Variants in TBC1D22A observed in about 807,000 individuals in gnomAD.
The protein encoded by TBC1D22A is TBC1 domain family member 22A.
In TBC1D22A, 38 loss-of-function variants were observed where a neutral mutation model predicts 60.2. The observed-to-expected ratio is 0.63, with a 90% CI of 0.49 to 0.83. The LOEUF is 0.83. Ranked by LOEUF, TBC1D22A falls within the 40% of genes least tolerant of loss-of-function variation. The pLI is 0.00. For synonymous variants in TBC1D22A, 302 were observed against 281.7 expected (o/e 1.07, Z -0.72); for missense variants, 628 against 701.0 (o/e 0.90, Z 1.18).
chr22:47,123,096 AG>A (rs1341260126), intron 12 of TBC1D22A, among the ~76,000 whole-genome samples: 9 of 152,164 alleles, frequency 5.9e-5, no homozygotes, highest in African/African-American at 2.2e-4. Context: ...CCCCTCCAGG[AG>A]GCTGAGGGGT....
At chr22:47,051,639 G>A (rs530261366) in intron 11 of TBC1D22A, among the ~76,000 whole-genome samples, 37 of 152,302 alleles carry the variant, frequency 2.4e-4, no homozygotes, top group African/African-American at 7.2e-4. Flanking sequence ...AGGCTGTGGA[G>A]CTCTGTTGGA....
intron 8 of TBC1D22A, chr22:46,915,606 G>T (rs758917980): frequency 4.4e-6 from 2 of 456,712 alleles, no homozygotes; most frequent in South Asian, 3.1e-5. Flanking sequence ...TCTTTTCTTT[G>T]AAGTACAGGA....
chr22:47,042,748 A>G (rs1603135447), intron 11 of TBC1D22A, among the ~76,000 whole-genome samples: 1 of 152,256 alleles, frequency 6.6e-6, no homozygotes, highest in East Asian at 1.9e-4. Flanking sequence ...CTTGAGGCAC[A>G]TCTCCCAGAG....
intron 9 of TBC1D22A, among the ~76,000 whole-genome samples, chr22:46,992,845 G>A (rs926082923): frequency 4.0e-5 from 5 of 124,078 alleles, no homozygotes; most frequent in East Asian, 2.1e-4. Context: ...CCGAGAGGAT[G>A]TGGAAGGGAG....
intron 11 of TBC1D22A, among the ~76,000 whole-genome samples, chr22:47,105,156 TAAAA>T (rs573281549): frequency 1.4e-5 from 2 of 146,340 alleles, no homozygotes; most frequent in Non-Finnish European, 3.0e-5. Context: ...AATAATATCA[TAAAA>T]AAAAAACCTA....
chr22:46,910,941 G>C (rs2069873201), intron 7 of TBC1D22A, among the ~76,000 whole-genome samples: 1 of 152,060 alleles, frequency 6.6e-6, no homozygotes, highest in Non-Finnish European at 1.5e-5. Flanking sequence ...CTGTAGCTCA[G>C]TGCAGCCACA....
intron 1 of TBC1D22A, among the ~76,000 whole-genome samples, chr22:46,766,262 G>T (rs2083284243): frequency 6.6e-6 from 1 of 152,086 alleles, no homozygotes; most frequent in African/African-American, 2.4e-5. Context: ...CTCCCAACGT[G>T]CTGGGATTAC....
rs571063320 is a variant in TBC1D22A, at chr22:47,110,788, C to T, written c.1330-720C>T. Among the ~76,000 whole-genome samples the T allele has an allele frequency of 4.7e-4, 72 of 152,318 alleles. 1 individual carries two copies. Among genetic ancestry groups the T allele is most frequent in the African/African-American group, 1.7e-3 (71 of 41,580 alleles). On this transcript the variant is annotated intron_variant, in intron 11 of 12. Transcript: ENST00000337137. ...CCCTCAGTCTTTGCAGTTGGCCGTG[C>T]GTGCTTGAACTAACACCATAGCCCC...
chr22:46,876,959 C>T (rs1482858364), intron 4 of TBC1D22A, among the ~76,000 whole-genome samples: 1 of 152,228 alleles, frequency 6.6e-6, no homozygotes, highest in Non-Finnish European at 1.5e-5. Context: ...TTGAACCATC[C>T]CTCCTTCATT....
At chr22:47,059,851 A>G (rs1157916559) in intron 11 of TBC1D22A, among the ~76,000 whole-genome samples, 1 of 152,212 alleles carries the variant, frequency 6.6e-6, no homozygotes, top group Non-Finnish European at 1.5e-5. Context: ...ACCATCTGTG[A>G]CTATAAAAGT....
At chr22:47,067,989 CCTGCT>C (rs2063835385) in intron 11 of TBC1D22A, among the ~76,000 whole-genome samples, 2 of 152,256 alleles carry the variant, frequency 1.3e-5, no homozygotes, top group South Asian at 2.1e-4. Flanking sequence ...AGCACCATCC[CCTGCT>C]CTGGAGGAGC....
Position 47,003,945 on chromosome 22 carries a change from C to T in TBC1D22A, c.1201+6236C>T, listed in dbSNP as rs541092258. 6.4e-4 allele frequency among the ~76,000 whole-genome samples: 92 copies of T among 143,000 alleles called. No homozygotes were observed. The South Asian group carries it at 8.7e-3, about 14-fold the overall frequency. The allele number at this position is 143,000 out of a possible 152,430, so 93.8% of individuals were successfully genotyped here. On this transcript the variant is annotated intron_variant, in intron 10 of 12. Coordinates refer to ENST00000337137, the MANE Select transcript of TBC1D22A (RefSeq NM_014346.5). ...CTACGCACGCATGCCTGTATACACA[C>T]ACCCTACGCACGCATGCCTGTATAC... is the stretch of plus-strand genomic sequence containing the variant.
At chr22:46,876,830 G>A (rs1444367828) in intron 4 of TBC1D22A, among the ~76,000 whole-genome samples, 2 of 152,218 alleles carry the variant, frequency 1.3e-5, no homozygotes, top group Non-Finnish European at 2.9e-5. Context: ...GGGAAGCATG[G>A]TTACTTTGCA....
At chr22:47,012,134 T>C (rs1301403588) in intron 10 of TBC1D22A, among the ~76,000 whole-genome samples, 1 of 152,090 alleles carries the variant, frequency 6.6e-6, no homozygotes, top group African/African-American at 2.4e-5. Flanking sequence ...CTGTGTTTCC[T>C]CTTTGGAAGA....
At chr22:46,930,298 A>C (rs2071283367) in intron 8 of TBC1D22A, among the ~76,000 whole-genome samples, 1 of 152,200 alleles carries the variant, frequency 6.6e-6, no homozygotes, top group African/African-American at 2.4e-5. Context: ...TTTTCACTCC[A>C]GGCCAAGTGT....
At chr22:46,824,190 TC>T (rs1401785780) in intron 4 of TBC1D22A, among the ~76,000 whole-genome samples, 5 of 152,208 alleles carry the variant, frequency 3.3e-5, no homozygotes, top group Non-Finnish European at 7.3e-5. Flanking sequence ...TTAGAGCGTC[TC>T]TCAGCTGGAC....
At chr22:46,915,496 G>C (rs1319630869) in intron 8 of TBC1D22A, 1 of 456,696 alleles carries the variant, frequency 2.2e-6, no homozygotes, top group Admixed American at 2.3e-5. Context: ...ATACACCTTT[G>C]GTGCAGCTGC....
intron 11 of TBC1D22A, among the ~76,000 whole-genome samples, chr22:47,048,795 G>A (rs928933929): frequency 3.3e-5 from 5 of 152,158 alleles, no homozygotes; most frequent in East Asian, 1.9e-4. Flanking sequence ...CTGCCGCACC[G>A]TAATCAGGAG....
rs2147644204 is a variant in TBC1D22A, at chr22:46,896,555, A to G, written c.900+1709A>G. 1.3e-5 allele frequency among the ~76,000 whole-genome samples: 2 copies of G among 152,214 alleles called. 1 individual carries two copies. Among genetic ancestry groups the G allele is most frequent in the South Asian group, 4.2e-4 (2 of 4,818 alleles). On this transcript the variant is annotated intron_variant, in intron 7 of 12. Transcript: ENST00000337137. ...GGAGTCTGTTTAATTTCCTCCTGGG[A>G]CAGTGGCAGTCCCCATACTGTTTCT...
Sources: allele counts gnomAD v4.1 joint callset (sites outside exome capture counted in the v4.1 genomes callset), GRCh38; gene constraint gnomAD v4.1.1; transcripts MANE v1.5; gene names NCBI Gene and HGNC (gene_info 2026-07-23, HGNC 2026-07-21).